Variants in SUV39H1 observed in about 807,000 individuals in gnomAD.
The protein encoded by SUV39H1 is histone-lysine N-methyltransferase SUV39H1.
For missense variants in SUV39H1, 180 were observed against 386.3 expected (o/e 0.47, Z 4.48); for synonymous variants, 141 against 150.5 (o/e 0.94, Z 0.46).
chrX:48,705,832 G>T (rs113277657), intron 3 of SUV39H1, among the ~76,000 whole-genome samples: 44 of 111,785 alleles, frequency 3.9e-4, no homozygotes, highest in African/African-American at 1.3e-3. Context: ...ATGGGCTCAG[G>T]CTCCCTTGCC....
In SUV39H1 at chrX:48,706,599, G is replaced by A; in HGVS notation, c.1077G>A (p.Glu359=). 8.3e-7 allele frequency: 1 copy of A among 1,209,565 alleles called. No individual in the cohort carries two copies. Among genetic ancestry groups the A allele is most frequent in the Non-Finnish European group, 1.1e-6 (1 of 894,234 alleles). ...FFATRTIRAG[E]ELTFDYNMQV... ...CCACAAGAACCATCCGGGCAGGCGAGGAGCTCACCTTTGATTACAACATGC... is the reference window on the plus strand; with the variant it reads ...CCACAAGAACCATCCGGGCAGGCGAAGAGCTCACCTTTGATTACAACATGC... Residue 359 remains glutamate, a synonymous_variant, in exon 5 of 6, where the codon GAG becomes GAA. Transcript: ENST00000376687.
At chrX:48,703,042 T>C (rs2062479992) in intron 3 of SUV39H1, among the ~76,000 whole-genome samples, 1 of 112,190 alleles carries the variant, frequency 8.9e-6, no homozygotes, top group Non-Finnish European at 1.9e-5. Context: ...ATGGGAACAA[T>C]AATAGCACTC....
At chrX:48,703,157 A>ATCAGCATAGTTCAAACT (rs1162110331) in intron 3 of SUV39H1, among the ~76,000 whole-genome samples, 1 of 112,872 alleles carries the variant, frequency 8.9e-6, no homozygotes, top group Non-Finnish European at 1.9e-5. Context: ...TACAAATGTT[A>ATCAGCATAGTTCAAACT]TCAGCATAGT....
Position 48,706,318 on chromosome X carries a change from C to T in SUV39H1, c.882C>T (p.Gly294=), listed in dbSNP as rs947449536. 5.8e-6 allele frequency: 7 copies of T among 1,211,910 alleles called. No individual in the cohort carries two copies. The highest frequency in any genetic ancestry group is 2.3e-4 in the Middle Eastern group (1 of 4,349). ...ERRGQIYDRQ[G]ATYLFDLDYV... ...GGGGCCAGATCTACGACCGTCAGGG[C>T]GCCACCTACCTCTTTGACCTGGACT... The change falls in exon 4 of 6, where the codon GGC becomes GGT. Residue 294 remains glycine (G), a synonymous_variant. Coordinates refer to ENST00000376687, the MANE Select transcript of SUV39H1 (RefSeq NM_003173.4).
At chrX:48,707,406 C>T in intron 5 of SUV39H1, 31 bp from the exon 6 acceptor site, 2 of 1,201,284 alleles carry the variant, frequency 1.7e-6, no homozygotes, top group Non-Finnish European at 2.3e-6. Context: ...TGCCTCCTTC[C>T]CTCCTCTCCT....
Position 48,700,405 on chromosome X carries a change from C to T in SUV39H1, c.480C>T (p.Phe160=), listed in dbSNP as rs150246331. The T allele has an allele frequency of 2.4e-4, 293 of 1,210,840 alleles. 1 individual carries two copies. The highest frequency in any genetic ancestry group is 2.0e-3 in the East Asian group (68 of 33,748). ...EVDLDGPPRA[F]VYINEYRVGE... ...ACCTGGACGGCCCTCCGCGGGCCTT[C>T]GTGTACATCAATGAGTACCGTGTTG... The change falls in exon 3 of 6, where the codon TTC becomes TTT. Residue 160 remains phenylalanine, a synonymous_variant. Coordinates refer to ENST00000376687, the MANE Select transcript of SUV39H1 (RefSeq NM_003173.4).
At chrX:48,695,997 T>G (rs1358896807), upstream of SUV39H1, 1 of 969,218 alleles carries the variant, frequency 1.0e-6, no homozygotes, top group Non-Finnish European at 1.4e-6. Flanking sequence ...GACCAACTGA[T>G]AGTGCCCGAC....
At chrX:48,695,878 T>C (rs1557008465), upstream of SUV39H1, 1 of 1,154,641 alleles carries the variant, frequency 8.7e-7, no homozygotes, top group African/African-American at 1.8e-5. Flanking sequence ...ACAGGTGGTG[T>C]GGAGGCTTAA....
rs1441046986 is a variant in SUV39H1, at chrX:48,697,078, C to T, written c.19+275C>T. On this transcript the variant is annotated intron_variant, in intron 1 of 5. Coordinates refer to ENST00000376687, the MANE Select transcript of SUV39H1 (RefSeq NM_003173.4). ...TGCAGATCGCGGCCGGACCGGCGCG[C>T]GCACGCGCGGGGGCTTGTCGAGGAG... Among the ~76,000 whole-genome samples, 4 of 109,767 alleles carry T rather than the reference C, an allele frequency of 3.6e-5. No individual in the cohort carries two copies. The South Asian group carries it at 1.2e-3, about 32-fold the overall frequency.
At chrX:48,706,659 G>A (rs782767775) in intron 5 of SUV39H1, 32 bp downstream of exon 5, 11 of 1,172,959 alleles carry the variant, frequency 9.4e-6, no homozygotes, top group South Asian at 1.9e-5. Context: ...GGGCAGGGGC[G>A]CACTGTGACT....
intron 5 of SUV39H1, among the ~76,000 whole-genome samples, chrX:48,707,200 C>G (rs1426083993): frequency 1.8e-5 from 2 of 109,095 alleles, no homozygotes; most frequent in African/African-American, 6.7e-5. Context: ...TGAACAACCT[C>G]CAGTGCTGAG....
chrX:48,696,012 C>A, upstream of SUV39H1: 1 of 901,651 alleles, frequency 1.1e-6, no homozygotes, highest in Non-Finnish European at 1.5e-6. Flanking sequence ...CCCGACAGGG[C>A]TGTATTAGAT....
intron 4 of SUV39H1, 24 bp downstream of exon 4, chrX:48,706,435 A>C: frequency 8.3e-7 from 1 of 1,204,950 alleles, no homozygotes; most frequent in Non-Finnish European, 1.1e-6. Context: ...GCAGGCGGGC[A>C]AGGGGTCGAG....
At chrX:48,703,777 C>G (rs893596375) in intron 3 of SUV39H1, among the ~76,000 whole-genome samples, 1 of 111,283 alleles carries the variant, frequency 9.0e-6, no homozygotes, top group African/African-American at 3.3e-5. Context: ...ACACCTTTCA[C>G]GTCCATGATC....
Position 48,707,543 on chromosome X carries a change from T to C in SUV39H1, c.1212T>C (p.Thr404=). The change falls in exon 6 of 6, where the codon ACT becomes ACC. Residue 404 remains threonine, a synonymous_variant. Coordinates refer to ENST00000376687, the MANE Select transcript of SUV39H1 (RefSeq NM_003173.4). ...KRVRIECKCG[T]ESCRKYLF ...TCCGTATTGAATGCAAGTGTGGGACTGAGTCCTGCCGCAAATACCTCTTCT... is the reference window on the plus strand; with the variant it reads ...TCCGTATTGAATGCAAGTGTGGGACCGAGTCCTGCCGCAAATACCTCTTCT... The C allele has an allele frequency of 8.3e-7, 1 of 1,211,796 alleles. No individual in the cohort carries two copies. The highest frequency in any genetic ancestry group is 1.8e-5 in the South Asian group (1 of 56,996).
In SUV39H1 at chrX:48,708,052, C is replaced by T; in HGVS notation, c.*482C>T. 2 of 230,678 alleles carry T rather than the reference C, an allele frequency of 8.7e-6. No homozygotes were observed. The highest frequency in any genetic ancestry group is 9.6e-5 in the South Asian group (2 of 20,793). 19.0% of individuals were successfully genotyped at this position (230,678 alleles called of 1,213,427 possible). Reference sequence around the variant, plus strand: ...CCCGACATGAAGCTGGTTCCCCAACCACAGAAACTTTGTACTAGTGAAAGA... The same window carrying T: ...CCCGACATGAAGCTGGTTCCCCAACTACAGAAACTTTGTACTAGTGAAAGA... On this transcript the variant is annotated 3_prime_UTR_variant, in exon 6 of 6. Coordinates refer to ENST00000376687, the MANE Select transcript of SUV39H1 (RefSeq NM_003173.4).
chrX:48,695,774 T>C (rs782221118), upstream of SUV39H1: 18 of 1,154,558 alleles, frequency 1.6e-5, no homozygotes, highest in Admixed American at 2.3e-4. Flanking sequence ...CTGTCTGCCC[T>C]GATAGAATCT....
Position 48,707,690 on chromosome X carries a change from C to T in SUV39H1, c.*120C>T. 1 of 871,019 alleles carries T rather than the reference C, an allele frequency of 1.1e-6. No homozygotes were observed. Among genetic ancestry groups the T allele is most frequent in the Non-Finnish European group, 1.7e-6 (1 of 605,470 alleles). 71.8% of individuals were successfully genotyped at this position (871,019 alleles called of 1,213,427 possible). The stretch of plus-strand genomic sequence containing the variant: ...CTCGCCTGCCTCCACCTGCCCCCAC[C>T]TGCTCCTACCTGCTCTACGTTCAGG... On this transcript the variant is annotated 3_prime_UTR_variant, in exon 6 of 6. Transcript: ENST00000376687.
intron 3 of SUV39H1, among the ~76,000 whole-genome samples, chrX:48,701,400 A>T (rs1455120570): frequency 8.9e-6 from 1 of 111,939 alleles, no homozygotes; most frequent in Non-Finnish European, 1.9e-5. Flanking sequence ...TTCACACAGC[A>T]ACTGGGACAC....
Sources: allele counts gnomAD v4.1 joint callset (sites outside exome capture counted in the v4.1 genomes callset), GRCh38; gene constraint gnomAD v4.1.1; transcripts MANE v1.5; gene names NCBI Gene and HGNC (gene_info 2026-07-23, HGNC 2026-07-21).